ZFHX3: variants seen among roughly 807,000 people sequenced by gnomAD.
ZFHX3 encodes zinc finger homeobox protein 3.
In ZFHX3, 42 loss-of-function variants were observed where a neutral mutation model predicts 279.1. That is an observed-to-expected ratio of 0.15 (90% CI 0.12 to 0.19). The LOEUF (loss-of-function observed/expected upper bound fraction) is 0.19, where lower values mean the gene tolerates loss of function less well. ZFHX3 is among the 10% of genes least tolerant of loss of function. The probability of loss-of-function intolerance (pLI) is 1.00; values close to 1 mark genes in which losing one functional copy is unlikely to be tolerated. For synonymous variants in ZFHX3, 2,293 were observed against 1,957.8 expected, an observed-to-expected ratio of 1.17 and a Z score of -4.52; for missense variants, 4,981 against 4,754.0, an observed-to-expected ratio of 1.05 and a Z score of -1.40.
intron 2 of ZFHX3, among the ~76,000 whole-genome samples, chr16:73,466,510 C>A (rs988437247): frequency 1.3e-5 from 2 of 152,138 alleles, no homozygotes; most frequent in African/African-American, 2.4e-5. Context: ...ACCACCAAAA[C>A]CCCACATCTA....
chr16:73,672,328 G>GA (rs1382856188), intron 2 of ZFHX3, among the ~76,000 whole-genome samples: 2 of 152,086 alleles, frequency 1.3e-5, no homozygotes, highest in Non-Finnish European at 2.9e-5. Context: ...ACCCTTAAAT[G>GA]AAATCAAATG....
At position 72,882,921 on chromosome 16, in the gene ZFHX3, C is replaced by T. The variant is rs185225812; in HGVS notation, c.3448+6810G>A. Among the ~76,000 whole-genome samples the T allele has an allele frequency of 2.0e-5, 3 of 150,922 alleles. No homozygotes were observed. The South Asian group carries it at 6.3e-4, about 32-fold the overall frequency. On this transcript the variant is annotated intron_variant, in intron 4 of 9. Coordinates refer to ENST00000268489, the MANE Select transcript of ZFHX3 (RefSeq NM_006885.4). ...TGAAGTGCCAGTGAGGCTGGGCAGT[C>T]GCTACAAAGGTTTCTTCTATGAGGA...
At chr16:72,915,237 C>T (rs2039414152) in intron 3 of ZFHX3, among the ~76,000 whole-genome samples, 1 of 152,134 alleles carries the variant, frequency 6.6e-6, no homozygotes, top group Non-Finnish European at 1.5e-5. Context: ...GTGTCAACTG[C>T]AAAAATTTGC....
intron 8 of ZFHX3, among the ~76,000 whole-genome samples, chr16:73,077,030 T>A (rs1965892914): frequency 6.6e-6 from 1 of 152,114 alleles, no homozygotes; most frequent in Non-Finnish European, 1.5e-5. Context: ...CCTCTTAAAA[T>A]AGGTCAGGTA....
chr16:73,440,733 C>T (rs1031866274), intron 3 of ZFHX3, among the ~76,000 whole-genome samples: 3 of 152,212 alleles, frequency 2.0e-5, no homozygotes, highest in Non-Finnish European at 2.9e-5. Flanking sequence ...TCATGGCCAG[C>T]CTTTCAAATG....
chr16:73,337,265 CCTGTT>C (rs1251138107), intron 3 of ZFHX3, among the ~76,000 whole-genome samples: 1 of 152,178 alleles, frequency 6.6e-6, no homozygotes, highest in African/African-American at 2.4e-5. Context: ...CTGTGGGACT[CCTGTT>C]CTGTCATCAC....
chr16:73,183,260 G>A (rs967891234), intron 5 of ZFHX3, among the ~76,000 whole-genome samples: 5 of 152,056 alleles, frequency 3.3e-5, no homozygotes, highest in East Asian at 1.9e-4. Context: ...TGGGTGATGC[G>A]GACACTAAAA....
chr16:73,712,099 G>A (rs998998197), intron 1 of ZFHX3, among the ~76,000 whole-genome samples: 3 of 152,206 alleles, frequency 2.0e-5, no homozygotes, highest in Non-Finnish European at 4.4e-5. Flanking sequence ...AGATGAGGGA[G>A]GAATGGTGAG....
At chr16:73,078,453 C>G (rs909198597) in intron 8 of ZFHX3, among the ~76,000 whole-genome samples, 12 of 152,054 alleles carry the variant, frequency 7.9e-5, no homozygotes, top group African/African-American at 2.9e-4. Flanking sequence ...TTTAAAGGCT[C>G]TGGAAGCAGA....
intron 1 of ZFHX3, among the ~76,000 whole-genome samples, chr16:73,848,564 C>T (rs1178877423): frequency 1.3e-5 from 2 of 152,156 alleles, no homozygotes; most frequent in African/African-American, 4.8e-5. Flanking sequence ...CAGAATATTT[C>T]AGTGCTGGAA....
chr16:72,940,789 C>G (rs970306115), intron 3 of ZFHX3, among the ~76,000 whole-genome samples: 14 of 152,252 alleles, frequency 9.2e-5, no homozygotes, highest in Non-Finnish European at 1.9e-4. Flanking sequence ...CACTCATTAA[C>G]AGGTTACAAA....
intron 2 of ZFHX3, among the ~76,000 whole-genome samples, chr16:73,529,017 G>T (rs2019745213): frequency 6.6e-6 from 1 of 152,138 alleles, no homozygotes; most frequent in African/African-American, 2.4e-5. Flanking sequence ...GGACAACAAA[G>T]AATAAAATAT....
chr16:72,866,917 A>G (rs1207095281), intron 4 of ZFHX3, among the ~76,000 whole-genome samples: 1 of 152,228 alleles, frequency 6.6e-6, no homozygotes, highest in Non-Finnish European at 1.5e-5. Context: ...CAATGGGATA[A>G]GCAGGAAATA....
intron 5 of ZFHX3, among the ~76,000 whole-genome samples, chr16:73,255,541 T>C (rs1036083525): frequency 6.6e-6 from 1 of 152,200 alleles, no homozygotes; most frequent in African/African-American, 2.4e-5. Context: ...CAACACTATA[T>C]TCTTAAGGCT....
At chr16:73,049,123 A>T (rs1340852707), upstream of ZFHX3, among the ~76,000 whole-genome samples, 1 of 152,112 alleles carries the variant, frequency 6.6e-6, no homozygotes, top group Non-Finnish European at 1.5e-5. Flanking sequence ...GGCGCCTTCT[A>T]TCTCCCCAAG....
At chr16:73,350,238 A>C (rs796565337) in intron 3 of ZFHX3, among the ~76,000 whole-genome samples, 12 of 152,254 alleles carry the variant, frequency 7.9e-5, no homozygotes, top group African/African-American at 2.9e-4. Flanking sequence ...TCTGAACAAG[A>C]ATATCTCCTC....
At chr16:72,890,591 A>G (rs1186752596) in intron 3 of ZFHX3, among the ~76,000 whole-genome samples, 2 of 151,960 alleles carry the variant, frequency 1.3e-5, no homozygotes, top group African/African-American at 2.4e-5. Flanking sequence ...ATCTCCCCCA[A>G]ATGGCCCCAG....
At chr16:73,739,645 C>A (rs894811992) in intron 1 of ZFHX3, among the ~76,000 whole-genome samples, 1 of 152,142 alleles carries the variant, frequency 6.6e-6, no homozygotes, top group Non-Finnish European at 1.5e-5. Flanking sequence ...AGAGTGGACT[C>A]TTCTGTCTAT....
intron 3 of ZFHX3, among the ~76,000 whole-genome samples, chr16:73,425,894 T>A (rs983275485): frequency 7.2e-5 from 11 of 152,004 alleles, no homozygotes; most frequent in African/African-American, 2.7e-4. Context: ...AAGTGTTCAA[T>A]AAATGAGAAA....
Sources: allele counts gnomAD v4.1 joint callset (sites outside exome capture counted in the v4.1 genomes callset), GRCh38; gene constraint gnomAD v4.1.1; transcripts MANE v1.5; gene names NCBI Gene and HGNC (gene_info 2026-07-23, HGNC 2026-07-21).